CLDN18: variants seen among roughly 807,000 people sequenced by gnomAD.
CLDN18 encodes the protein claudin 18, also known as claudin-18.
Under a neutral mutation model 25.0 loss-of-function variants are expected in CLDN18, and 20 were observed. That is an observed-to-expected ratio of 0.80 (90% CI 0.56 to 1.16). CLDN18 has a LOEUF of 1.16. Among genes scored for constraint, CLDN18 ranks in the 50% most tolerant of loss-of-function variants. The pLI is 0.00. For synonymous variants in CLDN18, 125 were observed against 135.6 expected (o/e 0.92, Z 0.54); for missense variants, 297 against 345.4 (o/e 0.86, Z 1.11).
intron 1 of CLDN18, chr3:137,999,102 G>A: frequency 6.2e-7 from 1 of 1,611,358 alleles, no homozygotes; most frequent in Non-Finnish European, 8.5e-7. Context: ...AGGGCCAGGT[G>A]TCTGGCTGGC....
chr3:138,010,125 ATCTGATTAGAAGAGCTCCCCT>A (rs1942114301), upstream of CLDN18: 52 of 1,479,596 alleles, frequency 3.5e-5, no homozygotes, highest in Middle Eastern at 4.9e-4. Context: ...TAGGGAAACC[ATCTGATTAGAAGAGCTCCCCT>A]CAGGAGCGCG....
At chr3:138,008,043 G>GCCT (rs1242830967), upstream of CLDN18, among the ~76,000 whole-genome samples, 2 of 152,156 alleles carry the variant, frequency 1.3e-5, no homozygotes, top group Non-Finnish European at 2.9e-5. Context: ...GGGGAGTGTT[G>GCCT]CCTCCATTCA....
intron 1 of CLDN18, among the ~76,000 whole-genome samples, chr3:138,016,734 GAAATGCCTCACAGTA>G (rs1297272296): frequency 2.0e-5 from 3 of 152,136 alleles, no homozygotes; most frequent in Non-Finnish European, 4.4e-5. Flanking sequence ...CCCCATTTGT[GAAATGCCTCACAGTA>G]AGACATTTAT....
At chr3:138,016,728 A>G (rs375028559) in intron 1 of CLDN18, among the ~76,000 whole-genome samples, 2 of 152,266 alleles carry the variant, frequency 1.3e-5, no homozygotes, top group African/African-American at 4.8e-5. Flanking sequence ...CACTTTCCCC[A>G]TTTGTGAAAT....
At chr3:138,020,420 A>G (rs1559806583) in intron 1 of CLDN18, among the ~76,000 whole-genome samples, 2 of 152,246 alleles carry the variant, frequency 1.3e-5, no homozygotes, top group Non-Finnish European at 2.9e-5. Context: ...CTTCAGACAG[A>G]TATCTGGTGA....
In CLDN18 at chr3:138,023,167, A is replaced by G. The variant is rs114797431; in HGVS notation, c.221-491A>G. ...AGCAACCTTGACTTCATCATATGCA[A>G]TAAATGAATTCCGGGTTTCCTAAAG... On this transcript the variant is annotated intron_variant, in intron 1 of 4. Coordinates refer to ENST00000183605, the MANE Select transcript of CLDN18 (RefSeq NM_016369.4). 2.2e-3 allele frequency among the ~76,000 whole-genome samples: 340 copies of G among 152,376 alleles called. 2 individuals are homozygous for G. The highest frequency in any genetic ancestry group is 7.7e-3 in the African/African-American group (321 of 41,590).
intron 1 of CLDN18, among the ~76,000 whole-genome samples, chr3:138,018,526 CG>C (rs1443225457): frequency 6.6e-6 from 1 of 151,804 alleles, no homozygotes; most frequent in African/African-American, 2.4e-5. Context: ...TTAGTAGAGA[CG>C]GGGTTTCACC....
intron 1 of CLDN18, among the ~76,000 whole-genome samples, chr3:138,013,455 A>G (rs1942164677): frequency 1.3e-5 from 2 of 152,252 alleles, no homozygotes; most frequent in South Asian, 4.1e-4. Flanking sequence ...CTGTGGGAAG[A>G]GCAGCCTCCT....
At chr3:138,006,584 T>A (rs1251378696), upstream of CLDN18, among the ~76,000 whole-genome samples, 4 of 152,232 alleles carry the variant, frequency 2.6e-5, no homozygotes, top group Non-Finnish European at 5.9e-5. Context: ...TACATTGATA[T>A]GTTTCAATAA....
At chr3:137,999,780 G>C (rs962053728) in intron 1 of CLDN18, among the ~76,000 whole-genome samples, 1 of 152,162 alleles carries the variant, frequency 6.6e-6, no homozygotes, top group African/African-American at 2.4e-5. Context: ...CTAGGGATTG[G>C]CATATTCAAT....
chr3:137,999,077 T>C, exon 1 of CLDN18: 1 of 1,614,040 alleles, frequency 6.2e-7, no homozygotes, highest in Non-Finnish European at 8.5e-7. Context: ...TTCACCCTGC[T>C]GGGGCTGCCA....
chr3:138,006,090 G>T (rs1441575892), upstream of CLDN18, among the ~76,000 whole-genome samples: 3 of 152,262 alleles, frequency 2.0e-5, no homozygotes, highest in East Asian at 3.9e-4. Flanking sequence ...TAAGAAGGAA[G>T]TATGCCAAAT....
chr3:138,008,441 T>C (rs1942092686), upstream of CLDN18, among the ~76,000 whole-genome samples: 1 of 151,796 alleles, frequency 6.6e-6, no homozygotes, highest in African/African-American at 2.4e-5. Flanking sequence ...CCATCTCTAC[T>C]AAAATACAAA....
intron 1 of CLDN18, among the ~76,000 whole-genome samples, chr3:138,013,862 T>C (rs1210638579): frequency 6.6e-6 from 1 of 152,146 alleles, no homozygotes. Flanking sequence ...ATATATAGCG[T>C]GTAATTTCAG....
At chr3:138,018,558 G>T (rs1397537134) in intron 1 of CLDN18, among the ~76,000 whole-genome samples, 1 of 151,914 alleles carries the variant, frequency 6.6e-6, no homozygotes, top group South Asian at 2.1e-4. Flanking sequence ...GGATGGTCTC[G>T]ATCTCCTGAC....
intron 1 of CLDN18, among the ~76,000 whole-genome samples, chr3:138,000,542 G>T (rs551876643): frequency 9.2e-5 from 14 of 152,094 alleles, no homozygotes; most frequent in African/African-American, 3.1e-4. Context: ...TTGGTTGGTT[G>T]GTTGGTTGGT....
chr3:138,025,130 G>A (rs765897885), intron 3 of CLDN18, among the ~76,000 whole-genome samples: 2 of 152,204 alleles, frequency 1.3e-5, no homozygotes, highest in African/African-American at 2.4e-5. Flanking sequence ...GGTGAAGTAT[G>A]GGTGAGAAAA....
chr3:138,006,376 AT>A (rs968375662), upstream of CLDN18, among the ~76,000 whole-genome samples: 4 of 152,200 alleles, frequency 2.6e-5, no homozygotes, highest in African/African-American at 7.2e-5. Context: ...GTTTTCTCCA[AT>A]GGCAGTAAAA....
chr3:138,018,838 T>C (rs1004104609), intron 1 of CLDN18, among the ~76,000 whole-genome samples: 2 of 152,202 alleles, frequency 1.3e-5, no homozygotes, highest in African/African-American at 4.8e-5. Flanking sequence ...GCTAGCTCCC[T>C]GCTCATTGAG....
Sources: gnomAD v4.1 joint callset for allele counts (sites outside exome capture counted in the v4.1 genomes callset) on GRCh38, gnomAD v4.1.1 for gene constraint, MANE v1.5 for transcripts, NCBI Gene and HGNC (gene_info 2026-07-23, HGNC 2026-07-21) for gene names.